The following MED13 variants were observed in gnomAD, a reference collection of about 807,000 sequenced individuals.
The protein encoded by MED13 is mediator of RNA polymerase II transcription subunit 13.
Under a neutral mutation model 225.2 loss-of-function variants are expected in MED13, and 23 were observed. That is an observed-to-expected ratio of 0.10 (90% CI 0.07 to 0.14). The LOEUF (loss-of-function observed/expected upper bound fraction) is 0.14, where lower values mean the gene tolerates loss of function less well. Among genes scored for constraint, MED13 ranks in the 10% least tolerant of loss-of-function variants. The probability of loss-of-function intolerance (pLI) is 1.00; values close to 1 mark genes in which losing one functional copy is unlikely to be tolerated. For missense variants in MED13, 2,197 were observed against 2,594.5 expected (o/e 0.85, Z 3.33); for synonymous variants, 942 against 889.2 (o/e 1.06, Z -1.06).
rs2143268202 is a variant in MED13 at position 61,946,547 on chromosome 17, G to A, written c.6446C>T (p.Thr2149Ile). The A allele has an allele frequency of 6.2e-7, 1 of 1,614,016 alleles. No homozygotes were observed. The highest frequency in any genetic ancestry group is 8.5e-7 in the Non-Finnish European group (1 of 1,179,912). Reference sequence around the variant, plus strand: ...TGGGAGACATGAGCGTCTGTCCTGGGTTGCAGGGTCACAGGTTAGCCAGGA... The same window carrying A: ...TGGGAGACATGAGCGTCTGTCCTGGATTGCAGGGTCACAGGTTAGCCAGGA... ...ALSWLTCDPA[T>I]QDRRSCLPIH... Residue 2149 changes from threonine (T) to isoleucine (I), a missense_variant, in exon 30 of 30, where the codon ACC becomes ATC. By Grantham distance (89) the Thr-to-Ile change is moderately conservative. Coordinates refer to ENST00000397786, the MANE Select transcript of MED13 (RefSeq NM_005121.3).
intron 23 of MED13, among the ~76,000 whole-genome samples, chr17:61,957,920 A>G (rs1254457573): frequency 6.6e-6 from 1 of 152,096 alleles, no homozygotes. Context: ...GCTGGAGTGC[A>G]GTGGTGCGAT....
chr17:61,971,796 T>C (rs1342988120), intron 17 of MED13, among the ~76,000 whole-genome samples: 1 of 151,846 alleles, frequency 6.6e-6, no homozygotes, highest in Admixed American at 6.6e-5. Context: ...GAGCCGGGCA[T>C]GGTGGCGTGC....
intron 12 of MED13, among the ~76,000 whole-genome samples, chr17:61,986,113 G>A (rs2080245317): frequency 1.3e-5 from 2 of 152,138 alleles, no homozygotes; most frequent in African/African-American, 2.4e-5. Context: ...GCTGATACAG[G>A]AATGGTAGTA....
In MED13 at chr17:61,972,843, G is replaced by T; in HGVS notation, c.3851C>A (p.Ser1284Tyr). 6.2e-7 allele frequency: 1 copy of T among 1,613,844 alleles called. No individual in the cohort carries two copies. Among genetic ancestry groups the T allele is most frequent in the Non-Finnish European group, 8.5e-7 (1 of 1,179,926 alleles). The change falls in exon 17 of 30, where the codon TCT (serine) becomes TAT (tyrosine). Residue 1284 changes from serine to tyrosine, a missense_variant. By Grantham distance (144) the Ser-to-Tyr change is moderately radical (BLOSUM62 -2). Coordinates refer to ENST00000397786, the MANE Select transcript of MED13 (RefSeq NM_005121.3). Reference sequence around the variant, plus strand: ...GGCATCCTGAAGAACTGGCTGAAGAGAGAGGAGCATTCGAAGTATATCCTG... The same window carrying T: ...GGCATCCTGAAGAACTGGCTGAAGATAGAGGAGCATTCGAAGTATATCCTG... ...CSQDILRMLLSLQPVLQDAIQ... is the reference protein window; with the variant it reads ...CSQDILRMLLYLQPVLQDAIQ...
intron 28 of MED13, among the ~76,000 whole-genome samples, chr17:61,949,432 G>T (rs918334985): frequency 6.6e-6 from 1 of 152,042 alleles, no homozygotes; most frequent in African/African-American, 2.4e-5. Context: ...TCACTATGTT[G>T]TCCAGGCTGA....
intron 2 of MED13, among the ~76,000 whole-genome samples, chr17:62,058,520 CAAAAAAA>C (rs751957495): frequency 1.8e-3 from 96 of 53,460 alleles, no homozygotes; most frequent in Middle Eastern, 7.9e-3. Flanking sequence ...GACTTCATCT[CAAAAAAA>C]AAAAAAAAAA....
In MED13 at chr17:61,982,230, C is replaced by G. The variant is rs138410843; in HGVS notation, c.3773G>C (p.Ser1258Thr). ...TTTGGACCAGGGGTGTAAGCATGAA[C>G]TTTTCACAAGTGCTTCATCAACTTT... ...GGKVDEALVKSSCLHPWSKRN... is the reference protein window; with the variant it reads ...GGKVDEALVKTSCLHPWSKRN... Residue 1258 changes from serine (S) to threonine (T), a missense_variant, in exon 16 of 30, where the codon AGT becomes ACT. This residue lies in a region of MED13 where 203 missense variants were observed against 209.7 expected (regional missense o/e 0.97). Coordinates refer to ENST00000397786, the MANE Select transcript of MED13 (RefSeq NM_005121.3). 20 of 1,613,898 alleles carry G rather than the reference C, an allele frequency of 1.2e-5. No individual in the cohort carries two copies. The East Asian group carries it at 3.1e-4, about 25-fold the overall frequency.
chr17:61,942,655 T>G lies in MED13; in HGVS notation c.*3813A>C, dbSNP rs1425262807. 2 of 151,914 alleles carry G rather than the reference T, an allele frequency of 1.3e-5. No homozygotes were observed. Among genetic ancestry groups the G allele is most frequent in the African/African-American group, 4.9e-5 (2 of 41,216 alleles). 9.4% of individuals were successfully genotyped at this position (151,914 alleles called of 1,614,324 possible). On this transcript the variant is annotated 3_prime_UTR_variant, in exon 30 of 30. Coordinates refer to ENST00000397786, the MANE Select transcript of MED13 (RefSeq NM_005121.3). The stretch of plus-strand genomic sequence containing the variant: ...CATTTGAAGTTTTGTTTTTTGTTTT[T>G]GTTTTTTTTTTTTTAAAAAGTATAA...
In MED13 at chr17:61,982,237, C is replaced by A. The variant is rs1189568307; in HGVS notation, c.3766G>T (p.Val1256Leu). Residue 1256 changes from valine to leucine, a missense_variant, in exon 16 of 30, where the codon GTG becomes TTG. Around this residue, in one of 12 missense-constraint regions of MED13, gnomAD observed 203 missense variants for 209.7 expected, o/e 0.97. Coordinates refer to ENST00000397786, the MANE Select transcript of MED13 (RefSeq NM_005121.3). ...MSGGKVDEAL[V>L]KSSCLHPWSK... Reference sequence around the variant, plus strand: ...CAGGGGTGTAAGCATGAACTTTTCACAAGTGCTTCATCAACTTTTCCTCCT... The same window carrying A: ...CAGGGGTGTAAGCATGAACTTTTCAAAAGTGCTTCATCAACTTTTCCTCCT... 33 of 1,613,970 alleles carry A rather than the reference C, an allele frequency of 2.0e-5. No individual in the cohort carries two copies. The highest frequency in any genetic ancestry group is 2.6e-5 in the Non-Finnish European group (31 of 1,180,004).
chr17:62,007,268 A>G (rs2080459048), intron 9 of MED13: 1 of 152,170 alleles, frequency 6.6e-6, no homozygotes, highest in Non-Finnish European at 1.5e-5. Flanking sequence ...AAACAACCAG[A>G]AATACGACAA....
intron 8 of MED13, among the ~76,000 whole-genome samples, chr17:62,028,909 G>A (rs1171424713): frequency 6.6e-6 from 1 of 152,120 alleles, no homozygotes; most frequent in Non-Finnish European, 1.5e-5. Flanking sequence ...TGTAATCATA[G>A]CACTTTGGAA....
At position 61,953,107 on chromosome 17, in the gene MED13, G is replaced by A; in HGVS notation, c.5975C>T (p.Ala1992Val). The A allele has an allele frequency of 6.2e-7, 1 of 1,612,966 alleles. No individual in the cohort carries two copies. The highest frequency in any genetic ancestry group is 8.5e-7 in the Non-Finnish European group (1 of 1,179,586). The change falls in exon 27 of 30, where the codon GCA becomes GTA. Residue 1992 changes from alanine to valine, a missense_variant. Transcript: ENST00000397786. ...CAAATCAAAGATACCCATTCCATCT[G>A]CTCCATCTAAACAGGAGAAAGAAAA... ...DLAFNPNNDG[A>V]DGMGIFDLLD...
At chr17:62,007,704 C>T (rs1603401208) in intron 9 of MED13, among the ~76,000 whole-genome samples, 2 of 151,576 alleles carry the variant, frequency 1.3e-5, no homozygotes, top group East Asian at 2.0e-4. Context: ...AAAAATTAGC[C>T]GGGCATGGTG....
At position 62,065,190 on chromosome 17, in the gene MED13, C is replaced by T. The variant is rs866156399; in HGVS notation, c.16G>A (p.Val6Met). The part of the protein sequence containing the change: MSASF[V>M]PNGASLEDCH... ...TCTTCCAGGCTGGCCCCGTTCGGCA[C>T]GAAGGAGGCACTCATCGTCCCTCAC... Residue 6 changes from valine (V) to methionine (M), a missense_variant, in exon 1 of 30, where the codon GTG (valine) becomes ATG (methionine). This residue lies in a region of MED13 where 884 missense variants were observed against 918.5 expected (regional missense o/e 0.96). Coordinates refer to ENST00000397786, the MANE Select transcript of MED13 (RefSeq NM_005121.3). 1.9e-6 allele frequency: 3 copies of T among 1,579,752 alleles called. No individual in the cohort carries two copies. Among genetic ancestry groups the T allele is most frequent in the South Asian group, 2.3e-5 (2 of 86,774 alleles).
At chr17:62,011,329 C>G in intron 8 of MED13, 96 bp from the exon 9 acceptor site, 1 of 1,037,798 alleles carries the variant, frequency 9.6e-7, no homozygotes, top group Non-Finnish European at 1.3e-6. Flanking sequence ...GTTATCATTT[C>G]TTTTTCACAT....
chr17:61,990,891 T>C (rs1272269779), intron 11 of MED13, among the ~76,000 whole-genome samples: 3 of 151,980 alleles, frequency 2.0e-5, no homozygotes, highest in Non-Finnish European at 4.4e-5. Context: ...ATTTGTTGAA[T>C]TAGTGGCCTC....
intron 10 of MED13, among the ~76,000 whole-genome samples, chr17:61,994,381 A>T (rs1036950478): frequency 1.3e-5 from 2 of 152,222 alleles, no homozygotes; most frequent in African/African-American, 2.4e-5. Flanking sequence ...TTTGATTTTT[A>T]AATTTTATTC....
Position 61,950,912 on chromosome 17 carries a change from A to G in MED13, c.6204T>C (p.Phe2068=). ...ILQQPLALGY[F]VSTAKAGPLP... is the part of the protein sequence containing the mutation. ...ATGGACCTGCTTTGGCAGTTGATAC[A>G]AAGTAACCAAGGGCCAATGGTTGCT... Residue 2068 remains phenylalanine, a synonymous_variant, in exon 28 of 30, where the codon TTT becomes TTC. Coordinates refer to ENST00000397786, the MANE Select transcript of MED13 (RefSeq NM_005121.3). 4.3e-6 allele frequency: 7 copies of G among 1,614,056 alleles called. No homozygotes were observed. The highest frequency in any genetic ancestry group is 5.9e-6 in the Non-Finnish European group (7 of 1,179,916).
intron 17 of MED13, 42 bp from the exon 18 acceptor site, chr17:61,968,300 A>G: frequency 1.5e-6 from 2 of 1,311,370 alleles, no homozygotes; most frequent in Non-Finnish European, 2.1e-6. Flanking sequence ...CTTAAAAACA[A>G]GACATGTCTC....
Sources: allele counts gnomAD v4.1 joint callset (sites outside exome capture counted in the v4.1 genomes callset), GRCh38; gene constraint gnomAD v4.1.1; regional missense constraint gnomAD v4.1.1; transcripts MANE v1.5; gene names NCBI Gene and HGNC (gene_info 2026-07-23, HGNC 2026-07-21).